Variants in TRDMT1 observed in about 807,000 individuals in gnomAD.
TRDMT1 encodes tRNA aspartic acid methyltransferase 1, also known as tRNA (cytosine(38)-C(5))-methyltransferase.
TRDMT1 carries 49 observed loss-of-function variants against 51.2 expected under a neutral mutation model. The observed-to-expected ratio is 0.96, with a 90% CI of 0.76 to 1.21. The LOEUF (loss-of-function observed/expected upper bound fraction) is 1.21. Among genes scored for constraint, TRDMT1 ranks in the 50% most tolerant of loss-of-function variants. The pLI is 0.00. For missense variants in TRDMT1, 534 were observed against 462.3 expected (o/e 1.16, Z -1.42); for synonymous variants, 187 against 164.6 (o/e 1.14, Z -1.04).
chr10:17,173,848 T>G (rs1488204093), intron 2 of TRDMT1, among the ~76,000 whole-genome samples: 1 of 144,578 alleles, frequency 6.9e-6, no homozygotes. Flanking sequence ...CACTGCAACC[T>G]CCGCCTCCTG....
At chr10:17,200,750 C>T (rs936621541) in intron 1 of TRDMT1, among the ~76,000 whole-genome samples, 4 of 151,748 alleles carry the variant, frequency 2.6e-5, no homozygotes, top group Admixed American at 1.3e-4. Context: ...AAATCAAAAA[C>T]CTCAAAATCA....
At position 17,154,282 on chromosome 10, in the gene TRDMT1, A is replaced by T. The variant is rs1292333021; in HGVS notation, c.945+395T>A. 2.0e-5 allele frequency among the ~76,000 whole-genome samples: 3 copies of T among 152,184 alleles called. No homozygotes were observed. The East Asian group carries it at 5.8e-4, about 29-fold the overall frequency. On this transcript the variant is annotated intron_variant, in intron 9 of 10. Coordinates refer to ENST00000377799, the MANE Select transcript of TRDMT1 (RefSeq NM_004412.7). The stretch of plus-strand genomic sequence containing the variant: ...TTAACAACTGAAGTATTCATAAAGC[A>T]CATTGTTAAGATTATTTTTTTCCTT...
rs1055566915 is a variant in TRDMT1 at position 17,143,898 on chromosome 10, G to A, written c.*5142C>T. ...TGACTATAGAATGGAGTGTGCTTAG[G>A]TTGCAAGCATGCTAAATTTGATGCA... On this transcript the variant is annotated 3_prime_UTR_variant, in exon 11 of 11. Coordinates refer to ENST00000377799, the MANE Select transcript of TRDMT1 (RefSeq NM_004412.7). The A allele has an allele frequency of 1.9e-5, 19 of 983,628 alleles. No homozygotes were observed. Among genetic ancestry groups the A allele is most frequent in the Non-Finnish European group, 2.0e-5 (17 of 829,318 alleles). The allele number at this position is 983,628 out of a possible 1,614,324, so 60.9% of individuals were successfully genotyped here. A position where few individuals can be genotyped will look rare whatever the true frequency, so the allele number is the denominator to read the frequency against.
rs1157482687 is a variant in TRDMT1 at position 17,141,174 on chromosome 10, A to AT, written c.*7865dup. 5.9e-5 allele frequency among the ~76,000 whole-genome samples: 9 copies of AT among 151,748 alleles called. No individual in the cohort carries two copies. Among genetic ancestry groups the AT allele is most frequent in the Non-Finnish European group, 1.2e-4 (8 of 67,910 alleles). On this transcript the variant is annotated 3_prime_UTR_variant, in exon 11 of 11. Transcript: ENST00000377799. ...TCCAGCTGCTTTTATTTATTTATTT[A>AT]TTTTTTTGAGACGGAGTCTCACTCT... is the stretch of plus-strand genomic sequence containing the variant.
At chr10:17,159,967 T>C (rs570758945) in intron 6 of TRDMT1, among the ~76,000 whole-genome samples, 1 of 152,176 alleles carries the variant, frequency 6.6e-6, no homozygotes, top group Non-Finnish European at 1.5e-5. Context: ...TTTTGGATTA[T>C]TTTGAAACAT....
At chr10:17,159,381 T>A in intron 6 of TRDMT1, 152 bp from the exon 7 acceptor site, 1 of 524,728 alleles carries the variant, frequency 1.9e-6, no homozygotes, top group Non-Finnish European at 3.4e-6. Context: ...TGTAGAAGAC[T>A]CCATTGTAGT....
Position 17,144,899 on chromosome 10 carries a change from C to G in TRDMT1, c.*4141G>C. 1.0e-6 allele frequency: 1 copy of G among 985,206 alleles called. No homozygotes were observed. The highest frequency in any genetic ancestry group is 1.2e-6 in the Non-Finnish European group (1 of 829,914). The allele number at this position is 985,206 out of a possible 1,614,324, so 61.0% of individuals were successfully genotyped here. A position where few individuals can be genotyped will look rare whatever the true frequency, so the allele number is the denominator to read the frequency against. Reference sequence around the variant, plus strand: ...GGAAAATGATGCACACAGGTTGACTCATGCAAACTGAAACTAAAGAACATG... The same window carrying G: ...GGAAAATGATGCACACAGGTTGACTGATGCAAACTGAAACTAAAGAACATG... On this transcript the variant is annotated 3_prime_UTR_variant, in exon 11 of 11. Coordinates refer to ENST00000377799, the MANE Select transcript of TRDMT1 (RefSeq NM_004412.7).
rs1837850722 is a variant in TRDMT1, at chr10:17,143,500, A to G, written c.*5540T>C. 1 of 985,318 alleles carries G rather than the reference A, an allele frequency of 1.0e-6. No individual in the cohort carries two copies. Among genetic ancestry groups the G allele is most frequent in the South Asian group, 4.7e-5 (1 of 21,292 alleles). 61.0% of individuals were successfully genotyped at this position (985,318 alleles called of 1,614,324 possible). A position where few individuals can be genotyped will look rare whatever the true frequency, so the allele number is the denominator to read the frequency against. On this transcript the variant is annotated 3_prime_UTR_variant, in exon 11 of 11. Coordinates refer to ENST00000377799, the MANE Select transcript of TRDMT1 (RefSeq NM_004412.7). ...CAGTGTTTTCAGTCATTTTTTTCAC[A>G]TGTGAAATTTAACTGGACTTGTGTA...
chr10:17,173,325 A>G (rs552146779), intron 2 of TRDMT1, among the ~76,000 whole-genome samples: 1 of 152,208 alleles, frequency 6.6e-6, no homozygotes. Flanking sequence ...ATTGTAGTAT[A>G]TGATATTCTA....
Position 17,146,435 on chromosome 10 carries a change from T to G in TRDMT1, c.*2605A>C. 3.0e-6 allele frequency: 3 copies of G among 985,440 alleles called. No individual in the cohort carries two copies. Among genetic ancestry groups the G allele is most frequent in the Non-Finnish European group, 3.6e-6 (3 of 829,940 alleles). The allele number at this position is 985,440 out of a possible 1,614,324, so 61.0% of individuals were successfully genotyped here. ...CTGAGGATTGTCAGGCTCTGACCCCTCCTACAATGACTACCCACCTCTTCG... is the reference window on the plus strand; with the variant it reads ...CTGAGGATTGTCAGGCTCTGACCCCGCCTACAATGACTACCCACCTCTTCG... On this transcript the variant is annotated 3_prime_UTR_variant, in exon 11 of 11. Coordinates refer to ENST00000377799, the MANE Select transcript of TRDMT1 (RefSeq NM_004412.7).
chr10:17,164,048 T>G (rs1167628714), intron 3 of TRDMT1, among the ~76,000 whole-genome samples: 4 of 152,156 alleles, frequency 2.6e-5, no homozygotes, highest in African/African-American at 7.2e-5. Context: ...TACCAAAGCC[T>G]GGCAGAGACA....
intron 3 of TRDMT1, among the ~76,000 whole-genome samples, chr10:17,166,795 C>G (rs1841279985): frequency 1.3e-5 from 2 of 152,188 alleles, no homozygotes; most frequent in Non-Finnish European, 2.9e-5. Flanking sequence ...AGTAGGAAAG[C>G]TACGGGGCCC....
intron 5 of TRDMT1, among the ~76,000 whole-genome samples, 189 bp from the exon 6 acceptor site, chr10:17,160,563 C>A (rs1840201831): frequency 6.6e-6 from 1 of 152,004 alleles, no homozygotes; most frequent in Non-Finnish European, 1.5e-5. Flanking sequence ...CCTCCGCCTC[C>A]CAGGTTCAAG....
At chr10:17,165,413 A>C (rs1588561757) in intron 3 of TRDMT1, among the ~76,000 whole-genome samples, 1 of 152,184 alleles carries the variant, frequency 6.6e-6, no homozygotes, top group African/African-American at 2.4e-5. Context: ...AAACCATAAA[A>C]CCCTAGAAGA....
chr10:17,199,145 A>T (rs1564356396), intron 1 of TRDMT1, among the ~76,000 whole-genome samples: 1 of 152,250 alleles, frequency 6.6e-6, no homozygotes, highest in Non-Finnish European at 1.5e-5. Context: ...GCATTTTATT[A>T]CAGGTAAATT....
intron 1 of TRDMT1, 173 bp downstream of exon 1, chr10:17,201,398 G>A (rs920474917): frequency 2.1e-5 from 12 of 580,958 alleles, no homozygotes; most frequent in African/African-American, 1.8e-4. Context: ...GCGTCTGGAG[G>A]GGTGGACACG....
At chr10:17,151,532 T>C (rs1838739469) in intron 10 of TRDMT1, 20 of 985,400 alleles carry the variant, frequency 2.0e-5, no homozygotes, top group Non-Finnish European at 2.3e-5. Context: ...TGAGGGACAG[T>C]TGTGTCACGG....
At position 17,148,153 on chromosome 10, in the gene TRDMT1, G is replaced by C; in HGVS notation, c.*887C>G. 2 of 985,262 alleles carry C rather than the reference G, an allele frequency of 2.0e-6. No individual in the cohort carries two copies. Among genetic ancestry groups the C allele is most frequent in the Non-Finnish European group, 2.4e-6 (2 of 829,908 alleles). 61.0% of individuals were successfully genotyped at this position (985,262 alleles called of 1,614,324 possible). On this transcript the variant is annotated 3_prime_UTR_variant, in exon 11 of 11. Transcript: ENST00000377799. ...CTGCTGAGGAAGAGAGACAGAGAAA[G>C]TTAAAAGTCATAAAAGTTCATTGAG...
At chr10:17,165,872 C>A (rs995248388) in intron 3 of TRDMT1, among the ~76,000 whole-genome samples, 4 of 152,298 alleles carry the variant, frequency 2.6e-5, no homozygotes, top group African/African-American at 9.6e-5. Context: ...CAGGAAACAA[C>A]AGGTGCTGGA....
Sources: allele counts gnomAD v4.1 joint callset (sites outside exome capture counted in the v4.1 genomes callset), GRCh38; gene constraint gnomAD v4.1.1; transcripts MANE v1.5; gene names NCBI Gene and HGNC (gene_info 2026-07-23, HGNC 2026-07-21).